The following HHIPL1 variants were observed in gnomAD, a reference collection of about 807,000 sequenced individuals.
HHIPL1 encodes the protein HHIP-like protein 1.
A neutral mutation model predicts 61.8 loss-of-function variants in HHIPL1; 43 were observed. The observed-to-expected ratio is 0.70, with a 90% confidence interval of 0.55 to 0.90. The LOEUF (loss-of-function observed/expected upper bound fraction) is 0.90, where lower values mean the gene tolerates loss of function less well. Ranked by LOEUF, HHIPL1 falls within the 40% of genes least tolerant of loss-of-function variation. The probability of loss-of-function intolerance (pLI) is 0.00; values close to 1 mark genes in which losing one functional copy is unlikely to be tolerated. For synonymous variants in HHIPL1, 482 were observed against 515.8 expected (o/e 0.93, Z 0.89); for missense variants, 1,056 against 1,157.7 (o/e 0.91, Z 1.28).
chr14:99,646,881 A>G (rs931171087), intron 1 of HHIPL1, among the ~76,000 whole-genome samples: 13 of 148,366 alleles, frequency 8.8e-5, no homozygotes, highest in African/African-American at 2.9e-4. Flanking sequence ...TGATACATAA[A>G]ATAAATAAAA....
chr14:99,613,335 A>T, the HHIPL1 span, among the ~76,000 whole-genome samples: 1 of 149,838 alleles, frequency 6.7e-6, no homozygotes, highest in East Asian at 2.0e-4. Flanking sequence ...TTTTTAATTA[A>T]TTTTTTTTTA....
the HHIPL1 span, among the ~76,000 whole-genome samples, chr14:99,617,443 C>T: frequency 1.3e-5 from 2 of 152,128 alleles, no homozygotes; most frequent in East Asian, 3.9e-4. Flanking sequence ...GAAATAGCAA[C>T]GTAAACATCT....
chr14:99,651,262 C>CT (rs2055925699), intron 1 of HHIPL1, among the ~76,000 whole-genome samples: 1 of 150,366 alleles, frequency 6.7e-6, no homozygotes, highest in African/African-American at 2.5e-5. Context: ...CTCAAAAAAA[C>CT]TAACGGACAA....
chr14:99,672,164 TG>T (rs2056332413), intron 7 of HHIPL1, among the ~76,000 whole-genome samples, 152 bp from the exon 8 acceptor site: 1 of 152,000 alleles, frequency 6.6e-6, no homozygotes, highest in East Asian at 1.9e-4. Flanking sequence ...GGGCATGGAG[TG>T]GGCAGGGAAG....
intron 4 of HHIPL1, 77 bp downstream of exon 4, chr14:99,659,833 C>T (rs2056117027): frequency 1.2e-6 from 1 of 838,082 alleles, no homozygotes; most frequent in Non-Finnish European, 1.6e-6. Flanking sequence ...GCAGGGCCTC[C>T]CTCGGAGACC....
the HHIPL1 span, chr14:99,604,693 G>C: frequency 6.6e-5 from 10 of 152,056 alleles, no homozygotes; most frequent in African/African-American, 2.4e-4. Context: ...AATAGCAGTC[G>C]AGCCCCCTCC....
chr14:99,653,065 C>T (rs528379841), intron 2 of HHIPL1, among the ~76,000 whole-genome samples, 195 bp downstream of exon 2: 1 of 152,242 alleles, frequency 6.6e-6, no homozygotes, highest in Non-Finnish European at 1.5e-5. Flanking sequence ...CATATCCAAA[C>T]CCCTCCATCT....
At chr14:99,642,160 G>A (rs1280269348), upstream of HHIPL1, among the ~76,000 whole-genome samples, 3 of 151,884 alleles carry the variant, frequency 2.0e-5, no homozygotes, top group Non-Finnish European at 2.9e-5. Context: ...GGCTGGTCTC[G>A]AACTCCTGAC....
At position 99,675,690 on chromosome 14, in the gene HHIPL1, T is replaced by C. The variant is rs2056384185; in HGVS notation, c.*64T>C. The C allele has an allele frequency of 7.1e-7, 1 of 1,415,334 alleles. No individual in the cohort carries two copies. The highest frequency in any genetic ancestry group is 9.3e-7 in the Non-Finnish European group (1 of 1,075,510). 87.7% of individuals were successfully genotyped at this position (1,415,334 alleles called of 1,614,324 possible). ...GAGCCTGGCAGGGGCCGCTCCGCCC[T>C]GTGTGCGCCCAGCGGGTGCACACGT... On this transcript the variant is annotated 3_prime_UTR_variant, in exon 9 of 9. Coordinates refer to ENST00000330710, the MANE Select transcript of HHIPL1 (RefSeq NM_001127258.3). This position sits in a 1 kb window ranked among gnomAD's most constrained non-coding sequence, Gnocchi z 5.4.
chr14:99,643,228 C>T (rs11623749), upstream of HHIPL1, among the ~76,000 whole-genome samples: 313 of 152,066 alleles, frequency 2.1e-3, 1 homozygote, highest in Middle Eastern at 6.8e-3. Flanking sequence ...TTAGTAGAGA[C>T]GAGATTTCAC....
chr14:99,646,717 T>A (rs1327884582), intron 1 of HHIPL1, among the ~76,000 whole-genome samples: 1 of 151,542 alleles, frequency 6.6e-6, no homozygotes, highest in Non-Finnish European at 1.5e-5. Context: ...GAGGTTGCAG[T>A]GAGCCAAGAT....
At chr14:99,637,502 G>A in the HHIPL1 span, among the ~76,000 whole-genome samples, 1 of 151,922 alleles carries the variant, frequency 6.6e-6, no homozygotes, top group Non-Finnish European at 1.5e-5. Context: ...AACCCAGGAG[G>A]CGGAGGTTGC....
chr14:99,628,800 C>G, the HHIPL1 span, among the ~76,000 whole-genome samples: 1 of 152,104 alleles, frequency 6.6e-6, no homozygotes, highest in Non-Finnish European at 1.5e-5. Context: ...GCTCTCTTCC[C>G]CTCTCGGGCC....
At chr14:99,646,991 G>T (rs1274157059) in intron 1 of HHIPL1, among the ~76,000 whole-genome samples, 1 of 152,098 alleles carries the variant, frequency 6.6e-6, no homozygotes, top group Non-Finnish European at 1.5e-5. Context: ...GGCTTCCTTG[G>T]CCCTCACTGG....
the HHIPL1 span, among the ~76,000 whole-genome samples, chr14:99,638,106 G>A: frequency 1.2e-4 from 19 of 152,158 alleles, no homozygotes; most frequent in Admixed American, 1.1e-3. Context: ...GGATGTTTAC[G>A]AAGGCTGGCT....
At chr14:99,613,242 A>G in the HHIPL1 span, among the ~76,000 whole-genome samples, 1 of 151,738 alleles carries the variant, frequency 6.6e-6, no homozygotes, top group African/African-American at 2.4e-5. Context: ...ACTGTTCCCC[A>G]GTGACAAACT....
chr14:99,629,018 G>A, the HHIPL1 span, among the ~76,000 whole-genome samples: 1 of 152,184 alleles, frequency 6.6e-6, no homozygotes, highest in African/African-American at 2.4e-5. Context: ...GCGGCACCAA[G>A]GGGCCCCCTA....
the HHIPL1 span, among the ~76,000 whole-genome samples, chr14:99,617,407 A>G: frequency 6.6e-6 from 1 of 152,220 alleles, no homozygotes; most frequent in Non-Finnish European, 1.5e-5. Flanking sequence ...AGAAAGCAAC[A>G]GAAATGTCTA....
At position 99,660,281 on chromosome 14, in the gene HHIPL1, TGACTTGCTGCC is replaced by T. The variant is rs2140075917; in HGVS notation, c.1380_1390del (p.Leu461PhefsTer55). On this transcript the variant is annotated frameshift_variant and splice_region_variant, in exon 5 of 9. Coordinates refer to ENST00000330710, the MANE Select transcript of HHIPL1 (RefSeq NM_001127258.3). LOFTEE classifies it high-confidence loss of function. The surrounding 1 kb of genome is among the most constrained non-coding windows in gnomAD (Gnocchi z 4.9). ...GCTTCTCTCCCTCCCACCCCGCAGA[TGACTTGCTGCC>T]GATTTTCGCCTACCCGCACACGGTT... 1 of 1,613,950 alleles carries T rather than the reference TGACTTGCTGCC, an allele frequency of 6.2e-7. No individual in the cohort carries two copies. The highest frequency in any genetic ancestry group is 2.2e-5 in the East Asian group (1 of 44,832).
Sources: allele counts gnomAD v4.1 joint callset (sites outside exome capture counted in the v4.1 genomes callset), GRCh38; gene constraint gnomAD v4.1.1; non-coding constraint Gnocchi (gnomAD v3.1); transcripts MANE v1.5; gene names NCBI Gene and HGNC (gene_info 2026-07-23, HGNC 2026-07-21).